MMP21: variants seen among roughly 807,000 people sequenced by gnomAD.
MMP21 encodes the protein matrix metallopeptidase 21, also known as matrix metalloproteinase-21.
Under a neutral mutation model 47.8 loss-of-function variants are expected in MMP21, and 40 were observed. The observed-to-expected ratio is 0.84, with a 90% CI of 0.65 to 1.09. MMP21 has a LOEUF of 1.09. Ranked by LOEUF, MMP21 falls within the 50% of genes least tolerant of loss-of-function variation. The probability of loss-of-function intolerance (pLI) is 0.00; values close to 1 mark genes in which losing one functional copy is unlikely to be tolerated. For synonymous variants in MMP21, 341 were observed against 318.0 expected, an observed-to-expected ratio of 1.07 and a Z score of -0.77; for missense variants, 747 against 775.3, an observed-to-expected ratio of 0.96 and a Z score of 0.43.
chr10:125,766,924 T>A lies in MMP21; in HGVS notation c.1448A>T (p.Asn483Ile), dbSNP rs771424860. 1.1e-5 allele frequency: 18 copies of A among 1,604,972 alleles called. No homozygotes were observed. The South Asian group carries it at 1.7e-4, about 15-fold the overall frequency. ...TTCAGTAATCCTCTTTGGATAAGAA[T>A]TAAGTACTCGATTTCTGTTGACATC... ...AFDVNRNRVL[N>I]SYPKRITEVF... is the part of the protein sequence containing the mutation. The change falls in exon 7 of 7, where the codon AAT (asparagine) becomes ATT (isoleucine). Residue 483 changes from asparagine (N) to isoleucine (I), a missense_variant. Physicochemically the swap from Asn to Ile is moderately radical, Grantham distance 149 (BLOSUM62 -3). Coordinates refer to ENST00000368808, the MANE Select transcript of MMP21 (RefSeq NM_147191.1).
Position 125,766,779 on chromosome 10 carries a change from A to G in MMP21, c.1593T>C (p.Asn531=). ...FKGNAYWKVV[N]DKDKQQNSWL... ...AGGAATTCTGTTGTTTGTCCTTGTC[A>G]TTAACTACCTTCCAGTATGCATTGC... is the stretch of plus-strand genomic sequence containing the variant. Residue 531 remains asparagine, a synonymous_variant, in exon 7 of 7, where the codon AAT becomes AAC. Coordinates refer to ENST00000368808, the MANE Select transcript of MMP21 (RefSeq NM_147191.1). 6.2e-7 allele frequency: 1 copy of G among 1,614,036 alleles called. No homozygotes were observed. The highest frequency in any genetic ancestry group is 8.5e-7 in the Non-Finnish European group (1 of 1,179,978).
At position 125,772,123 on chromosome 10, in the gene MMP21, G is replaced by A; in HGVS notation, c.979+95C>T. ...GAGTTGTACAACGTTGCGCTCTTAG[G>A]CCCAGTTTCCCAGTGAGGAGTGAGC... On this transcript the variant is annotated intron_variant, in intron 4 of 6. Transcript: ENST00000368808. This position sits in a 1 kb window ranked among gnomAD's most constrained non-coding sequence, Gnocchi z 5.6. 1.4e-6 allele frequency: 2 copies of A among 1,456,580 alleles called. No homozygotes were observed. The highest frequency in any genetic ancestry group is 1.9e-6 in the Non-Finnish European group (2 of 1,055,722). The allele number at this position is 1,456,580 out of a possible 1,614,324, so 90.2% of individuals were successfully genotyped here. A position where few individuals can be genotyped will look rare whatever the true frequency, so the allele number is the denominator to read the frequency against.
intron 1 of MMP21, 96 bp from the exon 2 acceptor site, chr10:125,774,461 T>TAGAGAC (rs1171700453): frequency 7.2e-6 from 6 of 830,292 alleles, no homozygotes; most frequent in Non-Finnish European, 9.8e-6. Flanking sequence ...GACATGGGGA[T>TAGAGAC]AGAGACAGAG....
rs376754298 is a variant in MMP21, at chr10:125,772,575, G to T, written c.837+36C>A. ...TGGACGTCAGCCCATGAGCACTGCT[G>T]GTGTCTTATCAACACAGTGGCTCAG... On this transcript the variant is annotated intron_variant, in intron 3 of 6. Transcript: ENST00000368808. This position sits in a 1 kb window ranked among gnomAD's most constrained non-coding sequence, Gnocchi z 5.6. 2 of 1,613,448 alleles carry T rather than the reference G, an allele frequency of 1.2e-6. No homozygotes were observed. Among genetic ancestry groups the T allele is most frequent in the Admixed American group, 3.3e-5 (2 of 60,024 alleles).
rs367637069 is a variant in MMP21 at position 125,768,666 on chromosome 10, T to C, written c.1238-962A>G. On this transcript the variant is annotated intron_variant, in intron 5 of 6. Coordinates refer to ENST00000368808, the MANE Select transcript of MMP21 (RefSeq NM_147191.1). ...TCACTCTAACAGGAATTTCTTTTAA[T>C]CCAAAATATTCATAGCAAATTAAGA... 1.4e-4 allele frequency among the ~76,000 whole-genome samples: 22 copies of C among 152,320 alleles called. No homozygotes were observed. In the South Asian group the frequency reaches 4.3e-3, roughly 30 times the overall value.
At chr10:125,770,637 C>G in intron 4 of MMP21, 46 bp from the exon 5 acceptor site, 1 of 1,595,636 alleles carries the variant, frequency 6.3e-7, no homozygotes, top group Non-Finnish European at 8.5e-7. Flanking sequence ...ATACATGGTG[C>G]AAAACTTATA....
intron 5 of MMP21, among the ~76,000 whole-genome samples, chr10:125,769,052 C>G (rs2133781172): frequency 6.6e-6 from 1 of 152,296 alleles, no homozygotes; most frequent in Non-Finnish European, 1.5e-5. Flanking sequence ...TACCAGGATT[C>G]AGGCAGAGGG....
In MMP21 at chr10:125,772,425, G is replaced by A. The variant is rs1589893579; in HGVS notation, c.838-66C>T. On this transcript the variant is annotated intron_variant, in intron 3 of 6. Transcript: ENST00000368808. The surrounding 1 kb of genome is among the most constrained non-coding windows in gnomAD (Gnocchi z 5.6). ...GGCGATGGATCCCTGCATAACAGAC[G>A]CAGGCCTGTGCTTCGAGAGGAGCGT... The A allele has an allele frequency of 1.9e-6, 3 of 1,598,556 alleles. No individual in the cohort carries two copies. The highest frequency in any genetic ancestry group is 1.3e-5 in the African/African-American group (1 of 74,710).
At chr10:125,768,533 C>G (rs1850410562) in intron 5 of MMP21, among the ~76,000 whole-genome samples, 1 of 152,220 alleles carries the variant, frequency 6.6e-6, no homozygotes, top group Non-Finnish European at 1.5e-5. Context: ...TTGGTGTTCA[C>G]AGTTCACAGA....
intron 5 of MMP21, 76 bp from the exon 6 acceptor site, chr10:125,767,780 A>G (rs928452749): frequency 5.4e-6 from 8 of 1,475,092 alleles, no homozygotes; most frequent in Middle Eastern, 2.2e-4. Context: ...TTTTCAATCT[A>G]GGTCTCAGCC....
chr10:125,775,705 G>T lies in MMP21; in HGVS notation c.117C>A (p.Ser39=). 1 of 1,613,420 alleles carries T rather than the reference G, an allele frequency of 6.2e-7. No homozygotes were observed. Among genetic ancestry groups the T allele is most frequent in the Non-Finnish European group, 8.5e-7 (1 of 1,179,670 alleles). The change falls in exon 1 of 7, where the codon TCC becomes TCA. Residue 39 remains serine, a synonymous_variant. Transcript: ENST00000368808. The stretch of plus-strand genomic sequence containing the variant: ...CAATGGGCTTGGCCTGGCGCAGTGG[G>T]GACGGCTCCAGGTCCGAGCGGTCCC... The part of the protein sequence containing the change: ...HSRDRSDLEP[S]PLRQAKPIAD...
In MMP21 at chr10:125,773,096, G is replaced by A. The variant is rs1404676903; in HGVS notation, c.698-346C>T. 1.3e-5 allele frequency among the ~76,000 whole-genome samples: 2 copies of A among 152,188 alleles called. No homozygotes were observed. Among genetic ancestry groups the A allele is most frequent in the Non-Finnish European group, 2.9e-5 (2 of 68,040 alleles). On this transcript the variant is annotated intron_variant, in intron 2 of 6. Transcript: ENST00000368808. This position sits in a 1 kb window ranked among gnomAD's most constrained non-coding sequence, Gnocchi z 4.8. ...CTGCGGAGGTCGTGAAATATTGAAA[G>A]CTGGGTCCCTTAAAATTTGTCTTTT...
Position 125,772,110 on chromosome 10 carries a change from GT to G in MMP21, c.979+107del. The G allele has an allele frequency of 7.5e-7, 1 of 1,324,686 alleles. No homozygotes were observed. Among genetic ancestry groups the G allele is most frequent in the South Asian group, 1.3e-5 (1 of 75,522 alleles). 82.1% of individuals were successfully genotyped at this position (1,324,686 alleles called of 1,614,324 possible). ...CCTTGGGTGACATGAGTTGTACAAC[GT>G]TGCGCTCTTAGGCCCAGTTTCCCAG... On this transcript the variant is annotated intron_variant, in intron 4 of 6. Coordinates refer to ENST00000368808, the MANE Select transcript of MMP21 (RefSeq NM_147191.1). The surrounding 1 kb of genome is among the most constrained non-coding windows in gnomAD (Gnocchi z 5.6).
rs763333121 is a variant in MMP21 at position 125,767,671 on chromosome 10, T to G, written c.1271A>C (p.Asp424Ala). ...NQYWRYDSDK[D>A]QALTEDEQGK... ...TTGTTCATCTTCTGTGAGGGCCTGA[T>G]CCTTGTCACTGTCATATCTCCAGTA... Residue 424 changes from aspartate to alanine, a missense_variant, in exon 6 of 7, where the codon GAT (aspartate) becomes GCT (alanine). Asp to Ala is a moderately radical substitution (Grantham distance 126). Transcript: ENST00000368808. The G allele has an allele frequency of 3.7e-6, 6 of 1,614,214 alleles. No individual in the cohort carries two copies. The African/African-American group carries it at 8.0e-5, about 22-fold the overall frequency.
rs1300911744 is a variant in MMP21 at position 125,770,445 on chromosome 10, A to G, written c.1126T>C (p.Tyr376His). Residue 376 changes from tyrosine to histidine, a missense_variant, in exon 5 of 7, where the codon TAT (tyrosine) becomes CAT (histidine). Transcript: ENST00000368808. ...LYENRNNRTR[Y>H]GDPIQILTGW... ...GTGAGGATTTGGATAGGGTCCCCAT[A>G]GCGTGTCCTATTGTTTCGATTTTCA... 6.2e-7 allele frequency: 1 copy of G among 1,614,204 alleles called. No homozygotes were observed. Among genetic ancestry groups the G allele is most frequent in the Non-Finnish European group, 8.5e-7 (1 of 1,180,046 alleles).
At chr10:125,768,639 G>T (rs368733525) in intron 5 of MMP21, among the ~76,000 whole-genome samples, 1 of 152,220 alleles carries the variant, frequency 6.6e-6, no homozygotes, top group African/African-American at 2.4e-5. Flanking sequence ...TAGAGATGCA[G>T]TTCACTCTAA....
At chr10:125,771,404 C>CT (rs1485021007) in intron 4 of MMP21, among the ~76,000 whole-genome samples, 3,281 of 149,666 alleles carry the variant, frequency 0.022, 93 homozygotes, top group East Asian at 0.093. Flanking sequence ...CTGTTAGGGA[C>CT]TATTTTTTTT....
chr10:125,773,961 C>T lies in MMP21; in HGVS notation c.567G>A (p.Leu189=). The part of the protein sequence containing the change: ...RLLGEALSSQ[L]SVADQRRIVA... ...CAATGCGCCGCTGGTCGGCCACGGACAGTTGGCTGCTCAGGGCCTCGCCCA... is the reference window on the plus strand; with the variant it reads ...CAATGCGCCGCTGGTCGGCCACGGATAGTTGGCTGCTCAGGGCCTCGCCCA... Residue 189 remains leucine, a synonymous_variant, in exon 2 of 7, where the codon CTG becomes CTA. Coordinates refer to ENST00000368808, the MANE Select transcript of MMP21 (RefSeq NM_147191.1). This position sits in a 1 kb window ranked among gnomAD's most constrained non-coding sequence, Gnocchi z 4.8. 1 of 1,581,590 alleles carries T rather than the reference C, an allele frequency of 6.3e-7. No homozygotes were observed. Among genetic ancestry groups the T allele is most frequent in the Non-Finnish European group, 8.5e-7 (1 of 1,171,880 alleles).
At position 125,775,702 on chromosome 10, in the gene MMP21, T is replaced by A. The variant is rs1247314995; in HGVS notation, c.120A>T (p.Pro40=). 5 of 1,613,242 alleles carry A rather than the reference T, an allele frequency of 3.1e-6. No individual in the cohort carries two copies. The highest frequency in any genetic ancestry group is 4.2e-6 in the Non-Finnish European group (5 of 1,179,574). The part of the protein sequence containing the change: ...SRDRSDLEPS[P]LRQAKPIADL... ...CGGCAATGGGCTTGGCCTGGCGCAG[T>A]GGGGACGGCTCCAGGTCCGAGCGGT... Residue 40 remains proline (P), a synonymous_variant, in exon 1 of 7, where the codon CCA becomes CCT. Transcript: ENST00000368808.
Sources: gnomAD v4.1 joint callset for allele counts (sites outside exome capture counted in the v4.1 genomes callset) on GRCh38, gnomAD v4.1.1 for gene constraint, Gnocchi (gnomAD v3.1) non-coding constraint, MANE v1.5 for transcripts, NCBI Gene and HGNC (gene_info 2026-07-23, HGNC 2026-07-21) for gene names.